IKZF3: variants seen among roughly 807,000 people sequenced by gnomAD.
IKZF3 encodes zinc finger protein Aiolos.
Under a neutral mutation model 49.0 loss-of-function variants are expected in IKZF3, and 10 were observed. The ratio of observed to expected loss-of-function variants is 0.20; its 90% CI spans 0.13 to 0.35. The LOEUF (loss-of-function observed/expected upper bound fraction) is 0.35. Among genes scored for constraint, IKZF3 ranks in the 10% least tolerant of loss-of-function variants. IKZF3 has a pLI of 1.00. For missense variants in IKZF3, 498 were observed against 664.8 expected, an observed-to-expected ratio of 0.75 and a Z score of 2.76; for synonymous variants, 209 against 228.2, an observed-to-expected ratio of 0.92 and a Z score of 0.76.
intron 3 of IKZF3, among the ~76,000 whole-genome samples, chr17:39,793,743 C>A (rs1158503202): frequency 6.6e-6 from 1 of 152,134 alleles, no homozygotes; most frequent in East Asian, 1.9e-4. Flanking sequence ...GGGACTGGCT[C>A]AAGTGAGTTG....
intron 2 of IKZF3, among the ~76,000 whole-genome samples, chr17:39,830,168 G>A (rs2062071877): frequency 6.6e-6 from 1 of 152,152 alleles, no homozygotes; most frequent in Non-Finnish European, 1.5e-5. Flanking sequence ...TGCAAACACT[G>A]GCATAACCTA....
chr17:39,856,039 A>T (rs2063039786), intron 1 of IKZF3, among the ~76,000 whole-genome samples: 1 of 136,162 alleles, frequency 7.3e-6, no homozygotes, highest in African/African-American at 3.0e-5. Flanking sequence ...ACAATATAAC[A>T]TGTATATTGT....
chr17:39,774,801 C>T (rs191380777), intron 7 of IKZF3, among the ~76,000 whole-genome samples: 5 of 152,116 alleles, frequency 3.3e-5, no homozygotes, highest in African/African-American at 9.6e-5. Flanking sequence ...CGGGCTAATG[C>T]GACTGTGTTT....
At chr17:39,840,018 G>A (rs1201131137) in intron 1 of IKZF3, among the ~76,000 whole-genome samples, 2 of 152,134 alleles carry the variant, frequency 1.3e-5, no homozygotes, top group South Asian at 2.1e-4. Context: ...CTCAAACTCC[G>A]TCTCACCTGT....
chr17:39,775,687 G>T (rs1156362048), intron 7 of IKZF3, among the ~76,000 whole-genome samples: 1 of 151,982 alleles, frequency 6.6e-6, no homozygotes, highest in African/African-American at 2.4e-5. Flanking sequence ...CACTTTGGGA[G>T]GCCAAGGCGG....
chr17:39,809,750 A>G (rs1004758130), intron 3 of IKZF3, among the ~76,000 whole-genome samples: 1 of 152,236 alleles, frequency 6.6e-6, no homozygotes, highest in Admixed American at 6.5e-5. Flanking sequence ...AAAATTAAGA[A>G]AAGAAAAGGC....
intron 3 of IKZF3, among the ~76,000 whole-genome samples, chr17:39,821,523 G>A (rs937664323): frequency 2.6e-5 from 4 of 152,156 alleles, no homozygotes; most frequent in Admixed American, 2.0e-4. Flanking sequence ...AACTCCTGGG[G>A]AGCTGGTTCA....
intron 3 of IKZF3, among the ~76,000 whole-genome samples, chr17:39,793,691 C>G (rs2061088702): frequency 6.6e-6 from 1 of 152,172 alleles, no homozygotes; most frequent in African/African-American, 2.4e-5. Context: ...GAACTAAACT[C>G]AAGGACTCAA....
chr17:39,813,677 A>C (rs1234849554), intron 3 of IKZF3, among the ~76,000 whole-genome samples: 2 of 152,060 alleles, frequency 1.3e-5, no homozygotes, highest in Non-Finnish European at 2.9e-5. Flanking sequence ...TGGTTTTATC[A>C]TCAACAGAAC....
chr17:39,833,618 C>T (rs1204685928), intron 1 of IKZF3, among the ~76,000 whole-genome samples: 1 of 152,126 alleles, frequency 6.6e-6, no homozygotes, highest in African/African-American at 2.4e-5. Context: ...TTTTTTATTG[C>T]TAAGTAGTAT....
At chr17:39,796,671 G>C (rs1331645494) in intron 3 of IKZF3, among the ~76,000 whole-genome samples, 1 of 150,664 alleles carries the variant, frequency 6.6e-6, no homozygotes, top group Non-Finnish European at 1.5e-5. Flanking sequence ...CTCCTGAGTA[G>C]CTGGGATTAC....
intron 3 of IKZF3, among the ~76,000 whole-genome samples, chr17:39,815,952 C>A (rs1403038599): frequency 6.6e-6 from 1 of 152,082 alleles, no homozygotes; most frequent in Non-Finnish European, 1.5e-5. Flanking sequence ...CCTTGTCATG[C>A]ACAAACAATT....
At chr17:39,839,242 G>GA (rs2062395816) in intron 1 of IKZF3, 1 of 308,562 alleles carries the variant, frequency 3.2e-6, no homozygotes, top group Non-Finnish European at 6.1e-6. Flanking sequence ...GATTCAGAGA[G>GA]AAAAAATATA....
intron 3 of IKZF3, among the ~76,000 whole-genome samples, chr17:39,825,821 G>A (rs2061941250): frequency 1.3e-5 from 2 of 152,138 alleles, no homozygotes; most frequent in Admixed American, 1.3e-4. Context: ...TGTTCTAATG[G>A]GGAGAGCATT....
chr17:39,792,545 A>G (rs2061051801), intron 4 of IKZF3, 128 bp downstream of exon 4: 2 of 913,332 alleles, frequency 2.2e-6, no homozygotes, highest in African/African-American at 3.4e-5. Flanking sequence ...CAATGCAGAG[A>G]GAGAGATACA....
chr17:39,861,140 G>A (rs775904125), intron 1 of IKZF3, among the ~76,000 whole-genome samples: 8 of 152,116 alleles, frequency 5.3e-5, no homozygotes, highest in East Asian at 3.8e-4. Flanking sequence ...ACTGTCCTTC[G>A]CATTCAGTGT....
At chr17:39,817,681 GGCAA>G (rs773309424) in intron 3 of IKZF3, among the ~76,000 whole-genome samples, 17 of 152,028 alleles carry the variant, frequency 1.1e-4, no homozygotes, top group Non-Finnish European at 2.1e-4. Flanking sequence ...ACTTCTATCG[GGCAA>G]TGCTGTTTTT....
intron 1 of IKZF3, among the ~76,000 whole-genome samples, chr17:39,841,881 C>T (rs943993984): frequency 1.3e-5 from 2 of 151,364 alleles, no homozygotes; most frequent in African/African-American, 4.9e-5. Context: ...CCTGTCTCTA[C>T]AAAAAAATAT....
chr17:39,816,763 G>A (rs1273535655), intron 3 of IKZF3, among the ~76,000 whole-genome samples: 2 of 152,226 alleles, frequency 1.3e-5, no homozygotes, highest in African/African-American at 4.8e-5. Context: ...CCGTCGCCCA[G>A]GCTTGAGCAC....
Sources: gnomAD v4.1 joint callset for allele counts (sites outside exome capture counted in the v4.1 genomes callset) on GRCh38, gnomAD v4.1.1 for gene constraint, MANE v1.5 for transcripts, NCBI Gene and HGNC (gene_info 2026-07-23, HGNC 2026-07-21) for gene names.